The following PHACTR1 variants were observed in gnomAD, a reference collection of about 807,000 sequenced individuals.
PHACTR1 encodes the protein phosphatase and actin regulator 1.
Under a neutral mutation model 69.2 loss-of-function variants are expected in PHACTR1, and 16 were observed. The observed-to-expected ratio is 0.23, with a 90% CI of 0.16 to 0.35. PHACTR1 has a LOEUF of 0.35. PHACTR1 is among the 10% of genes least tolerant of loss of function. PHACTR1 has a pLI of 1.00. For synonymous variants in PHACTR1, 312 were observed against 284.5 expected (o/e 1.10, Z -0.97); for missense variants, 510 against 734.7 (o/e 0.69, Z 3.54).
chr6:12,718,257 G>A (rs1761641911), intron 2 of PHACTR1: 1 of 152,244 alleles, frequency 6.6e-6, no homozygotes, highest in Non-Finnish European at 1.5e-5. Flanking sequence ...TATGAGTGGA[G>A]GCTCGGATTC....
chr6:12,944,233 C>T (rs1284682879), intron 4 of PHACTR1, among the ~76,000 whole-genome samples: 1 of 152,166 alleles, frequency 6.6e-6, no homozygotes, highest in Non-Finnish European at 1.5e-5. Context: ...ATGGTGGCTA[C>T]TGAGAGAGAC....
At chr6:12,985,561 T>TATATACACAC (rs1554186432) in intron 4 of PHACTR1, among the ~76,000 whole-genome samples, 9 of 146,406 alleles carry the variant, frequency 6.1e-5, no homozygotes, top group African/African-American at 2.3e-4. Context: ...TATATATATA[T>TATATACACAC]ACACAGAGAG....
At chr6:12,808,992 T>C (rs1774704460) in intron 4 of PHACTR1, among the ~76,000 whole-genome samples, 1 of 152,066 alleles carries the variant, frequency 6.6e-6, no homozygotes, top group Admixed American at 6.6e-5. Context: ...ATCCTCCCAC[T>C]TCAGCCTCCT....
At chr6:12,733,982 T>G (rs1384277998) in intron 3 of PHACTR1, among the ~76,000 whole-genome samples, 1 of 152,238 alleles carries the variant, frequency 6.6e-6, no homozygotes, top group Non-Finnish European at 1.5e-5. Flanking sequence ...TGCTTGGGTC[T>G]CTGCCCAACT....
chr6:12,797,008 A>AGTGTGTGT (rs10577949), intron 4 of PHACTR1, among the ~76,000 whole-genome samples: 6 of 138,256 alleles, frequency 4.3e-5, no homozygotes, highest in Non-Finnish European at 7.8e-5. Context: ...GAAGCCTAGG[A>AGTGTGTGT]GTGTGTGTGT....
At chr6:13,004,807 A>G (rs1798582414) in intron 4 of PHACTR1, among the ~76,000 whole-genome samples, 2 of 152,198 alleles carry the variant, frequency 1.3e-5, no homozygotes, top group Non-Finnish European at 2.9e-5. Context: ...GCTTTGGCAC[A>G]TCTGTGCAAT....
At chr6:12,946,103 A>G (rs1480800560) in intron 4 of PHACTR1, among the ~76,000 whole-genome samples, 2 of 151,732 alleles carry the variant, frequency 1.3e-5, no homozygotes, top group Non-Finnish European at 2.9e-5. Flanking sequence ...ATCTCACAAG[A>G]CCAGTATTCT....
chr6:12,879,047 A>G (rs148036932), intron 4 of PHACTR1, among the ~76,000 whole-genome samples: 1 of 152,278 alleles, frequency 6.6e-6, no homozygotes, highest in African/African-American at 2.4e-5. Flanking sequence ...GATGGCTCAC[A>G]GTTTCAATAT....
In PHACTR1 at chr6:13,238,559, T is replaced by A. The variant is rs144992970; in HGVS notation, c.1391+8366T>A. On this transcript the variant is annotated intron_variant, in intron 10 of 14. Coordinates refer to ENST00000332995, the MANE Select transcript of PHACTR1 (RefSeq NM_030948.6). ...ACCAAGGATTATGCGCTGCTTTAAATCATGGTACGGTGTTCAAGAGAGAAA... is the reference window on the plus strand; with the variant it reads ...ACCAAGGATTATGCGCTGCTTTAAAACATGGTACGGTGTTCAAGAGAGAAA... Among the ~76,000 whole-genome samples, 39 of 152,334 alleles carry A rather than the reference T, an allele frequency of 2.6e-4. 1 individual carries two copies. The East Asian group carries it at 6.9e-3, about 27-fold the overall frequency.
In PHACTR1 at chr6:13,213,112, G is replaced by A. The variant is rs115821535; in HGVS notation, c.986+6976G>A. ...TTTGAGTGAGTGAGTGAGTGAGTGA[G>A]TGAGTGAAAGAATAACTGAATGAAT... On this transcript the variant is annotated intron_variant, in intron 8 of 14. Transcript: ENST00000332995. Among the ~76,000 whole-genome samples, 535 of 152,306 alleles carry A rather than the reference G, an allele frequency of 3.5e-3. 4 individuals are homozygous for A. Among genetic ancestry groups the A allele is most frequent in the African/African-American group, 0.012 (504 of 41,558 alleles).
intron 7 of PHACTR1, among the ~76,000 whole-genome samples, chr6:13,199,498 C>T (rs900496072): frequency 1.3e-5 from 2 of 150,864 alleles, no homozygotes; most frequent in African/African-American, 4.9e-5. Flanking sequence ...AAAATGTAAT[C>T]GCCTCACTAA....
intron 4 of PHACTR1, among the ~76,000 whole-genome samples, chr6:12,884,619 T>G (rs182227018): frequency 1.3e-5 from 2 of 152,284 alleles, no homozygotes; most frequent in African/African-American, 4.8e-5. Context: ...GCCAGGATGG[T>G]CTCGATCTCC....
At chr6:13,036,886 G>GGT (rs1263023424) in intron 4 of PHACTR1, among the ~76,000 whole-genome samples, 1 of 152,130 alleles carries the variant, frequency 6.6e-6, no homozygotes, top group Non-Finnish European at 1.5e-5. Context: ...TCCTTTCTCT[G>GGT]AGAAACATTC....
chr6:12,831,756 A>G (rs1777608916), intron 4 of PHACTR1, among the ~76,000 whole-genome samples: 1 of 152,068 alleles, frequency 6.6e-6, no homozygotes. Context: ...CTATTTGGAG[A>G]TATAAGGGAA....
At chr6:12,959,712 G>T (rs545246290) in intron 4 of PHACTR1, among the ~76,000 whole-genome samples, 1 of 152,270 alleles carries the variant, frequency 6.6e-6, no homozygotes, top group South Asian at 2.1e-4. Flanking sequence ...TGACCTCCAG[G>T]TACTACAAGG....
chr6:13,188,739 T>G (rs564884674), intron 7 of PHACTR1, among the ~76,000 whole-genome samples: 1 of 152,252 alleles, frequency 6.6e-6, no homozygotes, highest in Non-Finnish European at 1.5e-5. Flanking sequence ...TCATTCTCCC[T>G]GTCTGTCTTG....
rs115604236 is a variant in PHACTR1, at chr6:13,059,824, A to G, written c.415+6295A>G. 3.1e-3 allele frequency among the ~76,000 whole-genome samples: 469 copies of G among 152,190 alleles called. 3 individuals are homozygous for G. The highest frequency in any genetic ancestry group is 6.8e-3 in the Middle Eastern group (2 of 294). ...TTTGAGTCAACTTTGTGATATCCAGAGTTGGCAGTTGAATATGTGGAATGA... is the reference window on the plus strand; with the variant it reads ...TTTGAGTCAACTTTGTGATATCCAGGGTTGGCAGTTGAATATGTGGAATGA... On this transcript the variant is annotated intron_variant, in intron 5 of 14. Transcript: ENST00000332995.
At chr6:13,046,733 A>G (rs1455426276) in intron 4 of PHACTR1, among the ~76,000 whole-genome samples, 7 of 151,204 alleles carry the variant, frequency 4.6e-5, no homozygotes, top group African/African-American at 1.5e-4. Context: ...TCCACTCCCC[A>G]CTTTACGTCC....
At chr6:13,280,782 G>A (rs1292501787) in intron 12 of PHACTR1, 1 of 391,502 alleles carries the variant, frequency 2.6e-6, no homozygotes, top group Non-Finnish European at 4.8e-6. Flanking sequence ...ACTTTGGGAG[G>A]CCGAGGCGGG....
Sources: allele counts gnomAD v4.1 joint callset (sites outside exome capture counted in the v4.1 genomes callset), GRCh38; gene constraint gnomAD v4.1.1; transcripts MANE v1.5; gene names NCBI Gene and HGNC (gene_info 2026-07-23, HGNC 2026-07-21).